The following CCDC192 variants were observed in gnomAD, a reference collection of about 807,000 sequenced individuals.
CCDC192 encodes coiled-coil domain-containing protein 192.
At chr5:127,719,524 T>TATATATATACACAC (rs1561444898) in intron 2 of CCDC192, among the ~76,000 whole-genome samples, 5 of 88,240 alleles carry the variant, frequency 5.7e-5, no homozygotes, top group South Asian at 3.0e-4. Context: ...TATATATATA[T>TATATATATACACAC]ACACACATAC....
rs1309911634 is a variant in CCDC192 at position 127,738,290 on chromosome 5, C to T, written c.115-15978C>T. ...CTCTTCTGGCTTGTAGGGTTTCTGCCAAGAGATCCGCTGTTAGTCTGATGG... is the reference window on the plus strand; with the variant it reads ...CTCTTCTGGCTTGTAGGGTTTCTGCTAAGAGATCCGCTGTTAGTCTGATGG... On this transcript the variant is annotated intron_variant, in intron 2 of 6. Coordinates refer to ENST00000514853, the MANE Select transcript of CCDC192 (RefSeq NM_001317938.2). Among the ~76,000 whole-genome samples the T allele has an allele frequency of 3.8e-3, 524 of 137,706 alleles. 9 individuals are homozygous for T. The highest frequency in any genetic ancestry group is 0.012 in the African/African-American group (436 of 35,352). 90.3% of individuals were successfully genotyped at this position (137,706 alleles called of 152,430 possible).
At chr5:127,804,997 G>A (rs899679707) in intron 5 of CCDC192, among the ~76,000 whole-genome samples, 4 of 152,104 alleles carry the variant, frequency 2.6e-5, no homozygotes, top group African/African-American at 4.8e-5. Flanking sequence ...GTGCAGTGCC[G>A]GGGATTGAGA....
chr5:127,871,295 AAAG>A (rs1288448525), intron 5 of CCDC192, among the ~76,000 whole-genome samples: 5 of 152,402 alleles, frequency 3.3e-5, no homozygotes, highest in East Asian at 1.9e-4. Flanking sequence ...ATTTCTAAAA[AAAG>A]AAGAAGAAAT....
rs553715681 is a variant in CCDC192, at chr5:127,851,101, G to T, written c.412-24437G>T. 1.1e-4 allele frequency among the ~76,000 whole-genome samples: 17 copies of T among 152,262 alleles called. 1 individual carries two copies. The South Asian group carries it at 3.3e-3, about 30-fold the overall frequency. ...CTGAGACTAGTTCTGCTGCAGGATT[G>T]GGTGCTTGTCCTGGCTTCTGCAAAT... On this transcript the variant is annotated intron_variant, in intron 5 of 6. Transcript: ENST00000514853.
rs538525424 is a variant in CCDC192, at chr5:127,794,605, A to G, written c.223-2498A>G. Among the ~76,000 whole-genome samples the G allele has an allele frequency of 5.9e-5, 9 of 152,334 alleles. No homozygotes were observed. In the South Asian group the frequency reaches 1.9e-3, roughly 32 times the overall value. ...AATGATCTGACTTTCTGGCTAAAGT[A>G]TGAGTTTTTTGAGGCTGTGAACAAT... On this transcript the variant is annotated intron_variant, in intron 3 of 6. Coordinates refer to ENST00000514853, the MANE Select transcript of CCDC192 (RefSeq NM_001317938.2).
intron 5 of CCDC192, among the ~76,000 whole-genome samples, chr5:127,875,093 A>T (rs2127133411): frequency 6.6e-6 from 1 of 152,274 alleles, no homozygotes; most frequent in Middle Eastern, 3.4e-3. Context: ...TTTAGAGTGT[A>T]TTTGAAAGCA....
chr5:127,862,757 G>T (rs769070278), intron 5 of CCDC192, among the ~76,000 whole-genome samples: 6 of 152,008 alleles, frequency 3.9e-5, no homozygotes, highest in Non-Finnish European at 7.4e-5. Context: ...TTATCATAAG[G>T]TTTCCTATTT....
intron 5 of CCDC192, among the ~76,000 whole-genome samples, chr5:127,816,284 A>G (rs1421746): frequency 0.45 from 68,122 of 151,956 alleles, 16,698 homozygotes; most frequent in African/African-American, 0.65. Flanking sequence ...TGCTCATTGA[A>G]CCATGAAAAG....
At chr5:127,786,809 T>C in intron 3 of CCDC192, 1 of 564,894 alleles carries the variant, frequency 1.8e-6, no homozygotes, top group Non-Finnish European at 3.3e-6. Flanking sequence ...TGTACTGAGC[T>C]CCTTCAGGTG....
chr5:127,762,145 C>A lies in CCDC192; in HGVS notation c.222+7770C>A, dbSNP rs117635952. Among the ~76,000 whole-genome samples, 182 of 152,118 alleles carry A rather than the reference C, an allele frequency of 1.2e-3. 5 individuals carry two copies. The East Asian group carries it at 0.031, about 26-fold the overall frequency. On this transcript the variant is annotated intron_variant, in intron 3 of 6. Transcript: ENST00000514853. ...ACAATGTGCCCTTGGTAGGAGTATT[C>A]ATTTCTGCAAATGCTCAGAAATTAT...
chr5:127,761,477 G>A (rs1479821247), intron 3 of CCDC192, among the ~76,000 whole-genome samples: 3 of 152,186 alleles, frequency 2.0e-5, no homozygotes, highest in Middle Eastern at 3.2e-3. Context: ...TCTGGTTCCT[G>A]AGAATAACCT....
chr5:127,774,155 A>G (rs1209116065), intron 3 of CCDC192, among the ~76,000 whole-genome samples: 1 of 152,090 alleles, frequency 6.6e-6, no homozygotes, highest in Non-Finnish European at 1.5e-5. Flanking sequence ...TATATTCTGC[A>G]TACTAAACCT....
chr5:127,800,259 C>T lies in CCDC192; in HGVS notation c.411+2097C>T, dbSNP rs59820375. Among the ~76,000 whole-genome samples the T allele has an allele frequency of 2.6e-3, 385 of 150,902 alleles. 1 individual carries two copies. The highest frequency in any genetic ancestry group is 8.7e-3 in the African/African-American group (359 of 41,166). ...CATGCAGACAAACTGCCTTCTCCCA[C>T]AGCAAGTTCCTTCTATCTTAAGCCT... On this transcript the variant is annotated intron_variant, in intron 5 of 6. Coordinates refer to ENST00000514853, the MANE Select transcript of CCDC192 (RefSeq NM_001317938.2).
intron 2 of CCDC192, among the ~76,000 whole-genome samples, chr5:127,753,261 T>C (rs1334302755): frequency 6.6e-6 from 1 of 152,142 alleles, no homozygotes; most frequent in East Asian, 1.9e-4. Context: ...TTTTCCAACT[T>C]TTCATATTTC....
chr5:127,867,930 A>G (rs187041847), intron 5 of CCDC192, among the ~76,000 whole-genome samples: 1 of 152,258 alleles, frequency 6.6e-6, no homozygotes, highest in East Asian at 1.9e-4. Context: ...AATCTCAGAA[A>G]TGGGTTGGAA....
At chr5:127,745,330 A>G (rs1179904609) in intron 2 of CCDC192, among the ~76,000 whole-genome samples, 1 of 152,228 alleles carries the variant, frequency 6.6e-6, no homozygotes, top group Non-Finnish European at 1.5e-5. Flanking sequence ...AAGAAATATA[A>G]AATTAGAAAA....
intron 6 of CCDC192, among the ~76,000 whole-genome samples, chr5:127,878,503 T>C (rs1299418317): frequency 6.6e-6 from 1 of 151,962 alleles, no homozygotes; most frequent in Non-Finnish European, 1.5e-5. Flanking sequence ...AAAACCAATA[T>C]CTCCTAGCCA....
intron 5 of CCDC192, among the ~76,000 whole-genome samples, chr5:127,815,272 GC>G (rs1748952739): frequency 6.6e-6 from 1 of 152,218 alleles, no homozygotes; most frequent in African/African-American, 2.4e-5. Flanking sequence ...GTTGACTCCC[GC>G]ATAGCAGAGC....
At position 127,836,765 on chromosome 5, in the gene CCDC192, T is replaced by C. The variant is rs1245511783; in HGVS notation, c.411+38603T>C. On this transcript the variant is annotated intron_variant, in intron 5 of 6. Transcript: ENST00000514853. The stretch of plus-strand genomic sequence containing the variant: ...CAGGGCACCAAGTCCCAAGGCTGCA[T>C]AGAGCAGCAGAGGGCCCCTGGACCA... 2.5e-5 allele frequency among the ~76,000 whole-genome samples: 2 copies of C among 80,626 alleles called. 1 individual carries two copies. The highest frequency in any genetic ancestry group is 5.9e-5 in the Non-Finnish European group (2 of 33,790). 52.9% of individuals were successfully genotyped at this position (80,626 alleles called of 152,430 possible).
Sources: gnomAD v4.1 joint callset for allele counts (sites outside exome capture counted in the v4.1 genomes callset) on GRCh38, gnomAD v4.1.1 for gene constraint, MANE v1.5 for transcripts, NCBI Gene and HGNC (gene_info 2026-07-23, HGNC 2026-07-21) for gene names.